Variants in SLC2A14 observed in about 807,000 individuals in gnomAD.
SLC2A14 encodes the protein solute carrier family 2, facilitated glucose transporter member 14.
Under a neutral mutation model 43.0 loss-of-function variants are expected in SLC2A14, and 13 were observed. The observed-to-expected ratio is 0.30, with a 90% CI of 0.20 to 0.48. The LOEUF (loss-of-function observed/expected upper bound fraction) is 0.48. Among genes scored for constraint, SLC2A14 ranks in the 20% least tolerant of loss-of-function variants. The pLI is 0.99. For synonymous variants in SLC2A14, 190 were observed against 233.8 expected (o/e 0.81, Z 1.71); for missense variants, 428 against 620.4 (o/e 0.69, Z 3.29).
chr12:7,891,119 T>C, exon 1 of SLC2A14: 2 of 1,533,804 alleles, frequency 1.3e-6, no homozygotes, highest in South Asian at 1.2e-5. Context: ...ACAGTTGGAG[T>C]CTTTGCATTG....
intron 1 of SLC2A14, 29 bp downstream of exon 1, chr12:7,872,778 C>T (rs1297154527): frequency 3.0e-6 from 3 of 985,504 alleles, no homozygotes; most frequent in East Asian, 1.1e-4. Flanking sequence ...CCGCACCCCC[C>T]GGCCGCAGGG....
chr12:7,815,502 T>G (rs1298439714), intron 10 of SLC2A14, among the ~76,000 whole-genome samples: 2 of 152,190 alleles, frequency 1.3e-5, no homozygotes, highest in Non-Finnish European at 2.9e-5. Flanking sequence ...TTGTTGAAAA[T>G]CTGGTTTATA....
intron 1 of SLC2A14, among the ~76,000 whole-genome samples, chr12:7,889,989 C>G (rs954681361): frequency 1.3e-5 from 2 of 152,102 alleles, no homozygotes; most frequent in Non-Finnish European, 2.9e-5. Context: ...TGAGGACTAC[C>G]AGAGGTCACT....
chr12:7,875,166 ATTTAATTATATAT>A (rs1945438532), upstream of SLC2A14, among the ~76,000 whole-genome samples: 1 of 132,704 alleles, frequency 7.5e-6, no homozygotes, highest in South Asian at 2.2e-4. Flanking sequence ...AAATATATAT[ATTTAATTATATAT>A]AATATATAAA....
At chr12:7,883,666 C>T (rs560478572) in intron 1 of SLC2A14, among the ~76,000 whole-genome samples, 11 of 144,640 alleles carry the variant, frequency 7.6e-5, no homozygotes, top group Non-Finnish European at 1.5e-4. Context: ...GGCTCACAGC[C>T]TCTGCTTCCC....
At chr12:7,845,672 G>T (rs1866406101) in intron 2 of SLC2A14, among the ~76,000 whole-genome samples, 1 of 151,164 alleles carries the variant, frequency 6.6e-6, no homozygotes, top group Non-Finnish European at 1.5e-5. Context: ...CCAGCTACTT[G>T]GGAGGCTGAG....
intron 3 of SLC2A14, among the ~76,000 whole-genome samples, chr12:7,832,022 C>T (rs1865079281): frequency 6.6e-6 from 1 of 152,200 alleles, no homozygotes; most frequent in Non-Finnish European, 1.5e-5. Flanking sequence ...GTAGGAGAAT[C>T]GCTTGAACCC....
At chr12:7,820,173 C>T (rs2120680042) in intron 8 of SLC2A14, among the ~76,000 whole-genome samples, 1 of 128,100 alleles carries the variant, frequency 7.8e-6, no homozygotes, top group Admixed American at 8.0e-5. Flanking sequence ...GCTAGGAGTG[C>T]ACCCCAACCC....
At chr12:7,891,007 C>T (rs779711982) in exon 1 of SLC2A14, 8 of 1,534,650 alleles carry the variant, frequency 5.2e-6, no homozygotes, top group South Asian at 4.8e-5. Context: ...TCCTCCCCGA[C>T]GCCCCCATTC....
chr12:7,872,000 C>A, intron 1 of SLC2A14: 1 of 636,182 alleles, frequency 1.6e-6, no homozygotes, highest in Non-Finnish European at 2.0e-6. Flanking sequence ...AAGTAAGGTA[C>A]TATTTATTTA....
intron 1 of SLC2A14, among the ~76,000 whole-genome samples, chr12:7,890,053 GT>G (rs1945749810): frequency 6.6e-6 from 1 of 152,104 alleles, no homozygotes; most frequent in South Asian, 2.1e-4. Flanking sequence ...ACTGCAACCT[GT>G]TTTATCAGCA....
chr12:7,882,619 T>G (rs967229490), intron 1 of SLC2A14, among the ~76,000 whole-genome samples: 1 of 152,040 alleles, frequency 6.6e-6, no homozygotes, highest in African/African-American at 2.4e-5. Context: ...CGTGGATCAC[T>G]TGAGCTCAGG....
chr12:7,858,281 C>T (rs779244238), intron 2 of SLC2A14, among the ~76,000 whole-genome samples: 24 of 152,242 alleles, frequency 1.6e-4, no homozygotes, highest in Admixed American at 9.2e-4. Context: ...GGTCAATTCT[C>T]GAGCCTTCTT....
At chr12:7,830,899 G>A (rs942701760) in intron 4 of SLC2A14, among the ~76,000 whole-genome samples, 43 of 151,952 alleles carry the variant, frequency 2.8e-4, no homozygotes, top group African/African-American at 7.2e-5. Flanking sequence ...TGAGGTGGGC[G>A]GATCACGTAA....
intron 1 of SLC2A14, among the ~76,000 whole-genome samples, chr12:7,888,438 C>T (rs970891386): frequency 2.0e-5 from 3 of 152,036 alleles, no homozygotes; most frequent in African/African-American, 7.2e-5. Flanking sequence ...AAAAGCAATA[C>T]GATTACAAGA....
Position 7,867,306 on chromosome 12 carries a change from A to AAC in SLC2A14, c.18+2556_18+2557insGT, listed in dbSNP as rs1555145600. Among the ~76,000 whole-genome samples, 321 of 129,870 alleles carry AAC rather than the reference A, an allele frequency of 2.5e-3. 1 individual carries two copies. The highest frequency in any genetic ancestry group is 3.1e-3 in the South Asian group (12 of 3,914). 85.2% of individuals were successfully genotyped at this position (129,870 alleles called of 152,430 possible). A position where few individuals can be genotyped will look rare whatever the true frequency, so the allele number is the denominator to read the frequency against. On this transcript the variant is annotated intron_variant, in intron 2 of 10. Coordinates refer to ENST00000431042, the MANE Select transcript of SLC2A14 (RefSeq NM_001286234.2). Reference sequence around the variant, plus strand: ...AAAAAAAAAAAAAAAAAAAACAAAAAAAACATTCGTGATTCATGGGAGGAG... The same window carrying AAC: ...AAAAAAAAAAAAAAAAAAAACAAAAAACAAACATTCGTGATTCATGGGAGGAG...
chr12:7,843,857 C>T (rs1866220749), intron 2 of SLC2A14, among the ~76,000 whole-genome samples: 1 of 151,564 alleles, frequency 6.6e-6, no homozygotes, highest in Non-Finnish European at 1.5e-5. Context: ...AACTGAACCT[C>T]TTCTTAGTGC....
intron 1 of SLC2A14, among the ~76,000 whole-genome samples, chr12:7,889,921 C>T (rs1769652120): frequency 6.9e-6 from 1 of 145,732 alleles, no homozygotes; most frequent in Non-Finnish European, 1.5e-5. Flanking sequence ...TATAGGGTAA[C>T]TTCCCCAGGT....
intron 2 of SLC2A14, among the ~76,000 whole-genome samples, chr12:7,865,969 C>T (rs762240666): frequency 6.6e-6 from 1 of 152,220 alleles, no homozygotes; most frequent in East Asian, 1.9e-4. Context: ...GTAATCCCAA[C>T]ACTTTGGGAG....
Sources: gnomAD v4.1 joint callset for allele counts (sites outside exome capture counted in the v4.1 genomes callset) on GRCh38, gnomAD v4.1.1 for gene constraint, MANE v1.5 for transcripts, NCBI Gene and HGNC (gene_info 2026-07-23, HGNC 2026-07-21) for gene names.